The following TTN variants were observed in gnomAD, a reference collection of about 807,000 sequenced individuals.
TTN encodes the protein connectin.
Under a neutral mutation model 3,223.0 loss-of-function variants are expected in TTN, and 1,525 were observed. That is an observed-to-expected ratio of 0.47 (90% CI 0.45 to 0.49). The LOEUF (loss-of-function observed/expected upper bound fraction) is 0.49, where lower values mean the gene tolerates loss of function less well. TTN is among the 20% of genes least tolerant of loss of function. The pLI is 0.00. For missense variants in TTN, 40,786 were observed against 43,424.0 expected (o/e 0.94, Z 5.40); for synonymous variants, 14,094 against 15,161.0 (o/e 0.93, Z 5.17).
rs1184828155 is a variant in TTN at position 178,563,702 on chromosome 2, T to C, written c.82430A>G (p.Glu27477Gly). The part of the protein sequence containing the change: ...YKPPGPPSTP[E>G]VSAITKDSMV... ...AGAATCTTTGGTGATTGCTGAGACT[T>C]CAGGTGTTGAGGGAGGACCTGGTGG... Residue 27477 changes from glutamate to glycine, a missense_variant, in exon 326 of 363, where the codon GAA becomes GGA. Physicochemically the swap from Glu to Gly is moderately conservative, Grantham distance 98. Transcript: ENST00000589042. This position sits in a 1 kb window ranked among gnomAD's most constrained non-coding sequence, Gnocchi z 4.5. 6.2e-7 allele frequency: 1 copy of C among 1,613,722 alleles called. No individual in the cohort carries two copies. The highest frequency in any genetic ancestry group is 1.7e-5 in the Admixed American group (1 of 59,978).
In TTN at chr2:178,548,554, G is replaced by A. The variant is rs1698122140; in HGVS notation, c.93072C>T (p.Thr31024=). ...CAGATCCCCGGGTCACATCTTTGAA[G>A]GTAATTGGGCCAGGTGGGCCTGGAG... ...LDTPGPPGPI[T]FKDVTRGSAT... The change falls in exon 339 of 363, where the codon ACC becomes ACT. Residue 31024 remains threonine (T), a synonymous_variant. Transcript: ENST00000589042. The surrounding 1 kb of genome is among the most constrained non-coding windows in gnomAD (Gnocchi z 4.3). 1 of 1,613,896 alleles carries A rather than the reference G, an allele frequency of 6.2e-7. No individual in the cohort carries two copies. Among genetic ancestry groups the A allele is most frequent in the East Asian group, 2.2e-5 (1 of 44,878 alleles).
At chr2:178,582,650 G>A (rs745976905) in intron 313 of TTN, 58 bp from the exon 314 acceptor site, 15 of 1,470,196 alleles carry the variant, frequency 1.0e-5, no homozygotes, top group Non-Finnish European at 1.4e-5. Context: ...ATAGAGTAGA[G>A]GTCTGGAGAC....
intron 66 of TTN, 39 bp from the exon 67 acceptor site, chr2:178,728,436 T>C (rs1418897107): frequency 6.3e-7 from 1 of 1,578,814 alleles, no homozygotes; most frequent in South Asian, 1.2e-5. Flanking sequence ...CATTAATCTC[T>C]TGCTATTTGT....
rs370300135 is a variant in TTN, at chr2:178,537,060, G to A, written c.100049C>T (p.Thr33350Ile). The change falls in exon 356 of 363, where the codon ACC becomes ATC. Residue 33350 changes from threonine (T) to isoleucine (I), a missense_variant. Coordinates refer to ENST00000589042, the MANE Select transcript of TTN (RefSeq NM_001267550.2). ...TTCTGTGAGGTTCACAATTCTACAG[G>A]TTGTCACTGAGATGGCTGAAGACAC... is the stretch of plus-strand genomic sequence containing the variant. ...QLVSSAISVTTCRIVNLTENA... is the reference protein window; with the variant it reads ...QLVSSAISVTICRIVNLTENA... 4.5e-5 allele frequency: 73 copies of A among 1,613,192 alleles called. No homozygotes were observed. The East Asian group carries it at 8.7e-4, about 19-fold the overall frequency.
rs536974988 is a variant in TTN, at chr2:178,713,914, G to C, written c.26744C>G (p.Ala8915Gly). The C allele has an allele frequency of 2.2e-5, 36 of 1,613,288 alleles. No individual in the cohort carries two copies. The highest frequency in any genetic ancestry group is 8.9e-5 in the East Asian group (4 of 44,858). Reference sequence around the variant, plus strand: ...CAACCAACCTGAAACCTGCAATGAAGCTGTGCAGCTGTCTTTGCCAACAGG... The same window carrying C: ...CAACCAACCTGAAACCTGCAATGAACCTGTGCAGCTGTCTTTGCCAACAGG... ...QNPVGKDSCT[A>G]SLQVSDRTVP... The change falls in exon 92 of 363, where the codon GCT (alanine) becomes GGT (glycine). Residue 8915 changes from alanine (A) to glycine (G), a missense_variant. Physicochemically the swap from Ala to Gly is moderately conservative, Grantham distance 60. Coordinates refer to ENST00000589042, the MANE Select transcript of TTN (RefSeq NM_001267550.2).
chr2:178,678,205 G>A lies in TTN; in HGVS notation c.33914C>T (p.Pro11305Leu). 6.2e-7 allele frequency: 1 copy of A among 1,606,474 alleles called. No individual in the cohort carries two copies. Among genetic ancestry groups the A allele is most frequent in the East Asian group, 2.2e-5 (1 of 44,778 alleles). The part of the protein sequence containing the change: ...KKVEAPPAKV[P>L]EVPKKLIPEE... Reference sequence around the variant, plus strand: ...TGGGATGAGCTTCTTGGGCACCTCTGGCACTTTAAAGATATTATTTATATT... The same window carrying A: ...TGGGATGAGCTTCTTGGGCACCTCTAGCACTTTAAAGATATTATTTATATT... Residue 11305 changes from proline (P) to leucine (L), a missense_variant, in exon 145 of 363, where the codon CCA becomes CTA. Physicochemically the swap from Pro to Leu is moderately conservative, Grantham distance 98. Coordinates refer to ENST00000589042, the MANE Select transcript of TTN (RefSeq NM_001267550.2).
Position 178,717,605 on chromosome 2 carries a change from G to A in TTN, c.25269C>T (p.Asp8423=). ...NVATLQILQT[D]QSHIGQYNCS... Reference sequence around the variant, plus strand: ...AATTATACTGCCCTATGTGGCTCTGGTCAGTTTGTAAAATCTGAAGAGTTG... The same window carrying A: ...AATTATACTGCCCTATGTGGCTCTGATCAGTTTGTAAAATCTGAAGAGTTG... The change falls in exon 87 of 363, where the codon GAC becomes GAT. Residue 8423 remains aspartate (D), a synonymous_variant. Transcript: ENST00000589042. 3 of 1,613,244 alleles carry A rather than the reference G, an allele frequency of 1.9e-6. No individual in the cohort carries two copies. Among genetic ancestry groups the A allele is most frequent in the Non-Finnish European group, 2.5e-6 (3 of 1,179,552 alleles).
chr2:178,698,820 T>G, intron 112 of TTN, 23 bp downstream of exon 112: 2 of 1,534,460 alleles, frequency 1.3e-6, no homozygotes, highest in Non-Finnish European at 1.8e-6. Flanking sequence ...GTGTTAAGAC[T>G]GCTTTTTGAT....
Position 178,570,978 on chromosome 2 carries a change from G to A in TTN, c.75154C>T (p.Arg25052Cys), listed in dbSNP as rs1303893206. The change falls in exon 326 of 363, where the codon CGT (arginine) becomes TGT (cysteine). Residue 25052 changes from arginine to cysteine, a missense_variant. Coordinates refer to ENST00000589042, the MANE Select transcript of TTN (RefSeq NM_001267550.2). ...TTTGTAAAACTGGCTTTCATCCAAC[G>A]GCCCTCAGGTAATTCTTTCTTCTCA... ...IVEKKELPEGRWMKASFTNII... is the reference protein window; with the variant it reads ...IVEKKELPEGCWMKASFTNII... 12 of 1,613,368 alleles carry A rather than the reference G, an allele frequency of 7.4e-6. No homozygotes were observed. The highest frequency in any genetic ancestry group is 1.1e-5 in the South Asian group (1 of 91,066).
rs765892893 is a variant in TTN at position 178,666,797 on chromosome 2, A to G, written c.35875+27T>C. 39 of 1,525,774 alleles carry G rather than the reference A, an allele frequency of 2.6e-5. No homozygotes were observed. The South Asian group carries it at 3.9e-4, about 15-fold the overall frequency. The allele number at this position is 1,525,774 out of a possible 1,614,324, so 94.5% of individuals were successfully genotyped here. A position where few individuals can be genotyped will look rare whatever the true frequency, so the allele number is the denominator to read the frequency against. Reference sequence around the variant, plus strand: ...AAGTACAACTGCAAACATGAGATTAAAAAGGTGACTTTCTTCCAACTTGTA... The same window carrying G: ...AAGTACAACTGCAAACATGAGATTAGAAAGGTGACTTTCTTCCAACTTGTA... On this transcript the variant is annotated intron_variant, in intron 163 of 362. Transcript: ENST00000589042.
chr2:178,717,471 C>T, intron 87 of TTN, 52 bp downstream of exon 87: 1 of 1,561,508 alleles, frequency 6.4e-7, no homozygotes, highest in Non-Finnish European at 8.7e-7. Flanking sequence ...CTTTTGGTGG[C>T]CTGGAGCAGT....
At chr2:178,626,232 T>G (rs1217673179) in intron 240 of TTN, among the ~76,000 whole-genome samples, 1 of 152,004 alleles carries the variant, frequency 6.6e-6, no homozygotes, top group African/African-American at 2.4e-5. Context: ...GCAAACCAAT[T>G]AAACCTGTGA....
At chr2:178,581,076 C>CAAAT (rs1351608446) in intron 316 of TTN, among the ~76,000 whole-genome samples, 2 of 151,794 alleles carry the variant, frequency 1.3e-5, no homozygotes, top group Non-Finnish European at 2.9e-5. Flanking sequence ...GGAGGATAAG[C>CAAAT]AAATAGAAGA....
rs1265427980 is a variant in TTN, at chr2:178,544,493, T to C, written c.95736A>G (p.Pro31912=). ...SCREPSYTPG[P]PSAPRVVDTT... ...TATCCACAACTCTTGGAGCAGAAGG[T>C]GGTCCAGGGGTATCTGTGGAATTTA... The change falls in exon 345 of 363, where the codon CCA becomes CCG. Residue 31912 remains proline, a synonymous_variant. Transcript: ENST00000589042. 1.2e-6 allele frequency: 2 copies of C among 1,604,194 alleles called. No homozygotes were observed. Among genetic ancestry groups the C allele is most frequent in the African/African-American group, 2.7e-5 (2 of 74,742 alleles).
chr2:178,574,634 G>A lies in TTN; in HGVS notation c.71498C>T (p.Pro23833Leu), dbSNP rs746871712. The change falls in exon 326 of 363, where the codon CCT becomes CTT. Residue 23833 changes from proline (P) to leucine (L), a missense_variant. Pro to Leu is a moderately conservative substitution (Grantham distance 98). Coordinates refer to ENST00000589042, the MANE Select transcript of TTN (RefSeq NM_001267550.2). ...ATCCTTGGTAACTGCAGTTACCTGAGGGGTACCAGGAGGTCCAGGAACCTT... is the reference window on the plus strand; with the variant it reads ...ATCCTTGGTAACTGCAGTTACCTGAAGGGTACCAGGAGGTCCAGGAACCTT... Reference protein sequence around the residue: ...PFKVPGPPGTPQVTAVTKDSM... With the variant: ...PFKVPGPPGTLQVTAVTKDSM... 2.5e-6 allele frequency: 4 copies of A among 1,613,100 alleles called. No individual in the cohort carries two copies. The highest frequency in any genetic ancestry group is 3.4e-6 in the Non-Finnish European group (4 of 1,179,438).
Position 178,608,284 on chromosome 2 carries a change from G to A in TTN, c.52599C>T (p.Gly17533=). The stretch of plus-strand genomic sequence containing the variant: ...AGACATAGGTGAGTCCTTCTAATAA[G>A]CCATCTACATTGGCTTTCAAGGCAT... ...LLNALKANVD[G]LLEGLTYVFR... Residue 17533 remains glycine (G), a synonymous_variant, in exon 275 of 363, where the codon GGC becomes GGT. Transcript: ENST00000589042. 1 of 1,612,026 alleles carries A rather than the reference G, an allele frequency of 6.2e-7. No individual in the cohort carries two copies. Among genetic ancestry groups the A allele is most frequent in the Non-Finnish European group, 8.5e-7 (1 of 1,179,012 alleles).
rs781329009 is a variant in TTN at position 178,770,497 on chromosome 2, C to T, written c.8295G>A (p.Arg2765=). The change falls in exon 35 of 363, where the codon AGG becomes AGA. Residue 2765 remains arginine (R), a synonymous_variant. Transcript: ENST00000589042. ...CATCCACGATGGCACAGTTTTTAATCCTCAGAGAGTAAATTGTTCCTTTGA... is the reference window on the plus strand; with the variant it reads ...CATCCACGATGGCACAGTTTTTAATTCTCAGAGAGTAAATTGTTCCTTTGA... ...ISVKGTIYSL[R]IKNCAIVDES... 1 of 1,614,116 alleles carries T rather than the reference C, an allele frequency of 6.2e-7. No homozygotes were observed. The highest frequency in any genetic ancestry group is 8.5e-7 in the Non-Finnish European group (1 of 1,180,008).
Position 178,740,832 on chromosome 2 carries a change from A to T in TTN, c.12401T>A (p.Ile4134Asn), listed in dbSNP as rs112009206. 1.8e-4 allele frequency: 286 copies of T among 1,613,794 alleles called. 6 individuals carry two copies. The African/African-American group carries it at 2.7e-3, about 15-fold the overall frequency. The change falls in exon 48 of 363, where the codon ATC becomes AAC. Residue 4134 changes from isoleucine (I) to asparagine (N), a missense_variant. Ile to Asn is a moderately radical substitution (Grantham distance 149). Transcript: ENST00000589042. ...TPESTREFLC[I>N]NGSIHFQPLK... ...AGGCTGAAAGTGAATACTGCCATTG[A>T]TGCAAAGAAATTCCCTGGTGCTTTC...
chr2:178,598,719 T>A (rs2052473953), intron 291 of TTN, 29 bp downstream of exon 291: 4 of 1,602,050 alleles, frequency 2.5e-6, no homozygotes, highest in African/African-American at 1.4e-5. Flanking sequence ...AAATAAGATT[T>A]AAAAAAAAGG....
Sources: allele counts gnomAD v4.1 joint callset (sites outside exome capture counted in the v4.1 genomes callset), GRCh38; gene constraint gnomAD v4.1.1; non-coding constraint Gnocchi (gnomAD v3.1); transcripts MANE v1.5; gene names NCBI Gene and HGNC (gene_info 2026-07-23, HGNC 2026-07-21).